MPHOSPH8: variants seen among roughly 807,000 people sequenced by gnomAD.
MPHOSPH8 encodes M-phase phosphoprotein, mpp.
Under a neutral mutation model 87.3 loss-of-function variants are expected in MPHOSPH8, and 45 were observed. That is an observed-to-expected ratio of 0.52 (90% CI 0.41 to 0.66). The LOEUF is 0.66. Ranked by LOEUF, MPHOSPH8 falls within the 30% of genes least tolerant of loss-of-function variation. MPHOSPH8 has a pLI of 0.00. For synonymous variants in MPHOSPH8, 366 were observed against 376.9 expected, an observed-to-expected ratio of 0.97 and a Z score of 0.33; for missense variants, 883 against 1,020.2, an observed-to-expected ratio of 0.87 and a Z score of 1.83.
chr13:19,641,302 A>G (rs2137501247), intron 1 of MPHOSPH8, among the ~76,000 whole-genome samples: 1 of 145,702 alleles, frequency 6.9e-6, no homozygotes, highest in East Asian at 2.0e-4. Flanking sequence ...CCACAGTTAC[A>G]TGCCACTGTG....
At chr13:19,665,022 C>A (rs1238568586) in intron 9 of MPHOSPH8, among the ~76,000 whole-genome samples, 2 of 152,088 alleles carry the variant, frequency 1.3e-5, no homozygotes, top group Admixed American at 6.6e-5. Context: ...AGGCAGAAGG[C>A]AGGCGGGAGT....
At chr13:19,644,929 A>G (rs193150818) in intron 2 of MPHOSPH8, among the ~76,000 whole-genome samples, 3 of 151,986 alleles carry the variant, frequency 2.0e-5, no homozygotes, top group Non-Finnish European at 2.9e-5. Flanking sequence ...TCTTTTTGGT[A>G]TGCTTTTATT....
At chr13:19,634,061 G>A (rs908337860) in intron 1 of MPHOSPH8, 100 bp downstream of exon 1, 4 of 1,245,560 alleles carry the variant, frequency 3.2e-6, no homozygotes, top group South Asian at 1.3e-5. Context: ...AAACAGGAGC[G>A]GGGGAGGAAT....
At chr13:19,670,411 A>G in intron 12 of MPHOSPH8, 48 bp downstream of exon 12, 1 of 1,574,528 alleles carries the variant, frequency 6.4e-7, no homozygotes. Context: ...CTTCTAATCA[A>G]AAGCACAGAT....
chr13:19,670,389 G>A, intron 12 of MPHOSPH8, 26 bp downstream of exon 12: 1 of 1,606,838 alleles, frequency 6.2e-7, no homozygotes, highest in Non-Finnish European at 8.5e-7. Flanking sequence ...TTTCACTACT[G>A]AAAAGTACAT....
chr13:19,642,296 T>G (rs757130159), intron 2 of MPHOSPH8, 26 bp downstream of exon 2: 1 of 1,528,334 alleles, frequency 6.5e-7, no homozygotes, highest in African/African-American at 1.4e-5. Context: ...TCATATTTGT[T>G]TTTACATACA....
intron 7 of MPHOSPH8, 55 bp from the exon 8 acceptor site, chr13:19,661,643 C>G: frequency 6.6e-7 from 1 of 1,510,226 alleles, no homozygotes; most frequent in Non-Finnish European, 8.9e-7. Flanking sequence ...AGACTTGGTT[C>G]TGAAATTGTT....
At chr13:19,634,609 G>A (rs996558028) in intron 1 of MPHOSPH8, among the ~76,000 whole-genome samples, 3 of 152,118 alleles carry the variant, frequency 2.0e-5, no homozygotes, top group Non-Finnish European at 2.9e-5. Context: ...TGCTTCCAAG[G>A]CCTCGGGGTG....
chr13:19,645,070 G>A (rs1370355211), intron 2 of MPHOSPH8, among the ~76,000 whole-genome samples: 2 of 152,086 alleles, frequency 1.3e-5, no homozygotes, highest in African/African-American at 4.8e-5. Context: ...CTTGGTCCTG[G>A]AAGTCCTGAG....
intron 12 of MPHOSPH8, chr13:19,670,885 T>C (rs1220448390): frequency 9.5e-7 from 1 of 1,048,474 alleles, no homozygotes; most frequent in African/African-American, 1.6e-5. Flanking sequence ...GTGGCGCGGA[T>C]TACAGCTCAC....
In MPHOSPH8 at chr13:19,666,456, G is replaced by T; in HGVS notation, c.2051G>T (p.Arg684Leu). The change falls in exon 10 of 14, where the codon CGA becomes CTA. Residue 684 changes from arginine (R) to leucine (L), a missense_variant. Arg to Leu is a moderately radical substitution (Grantham distance 102, BLOSUM62 -2). This residue lies in a region of MPHOSPH8 where 741 missense variants were observed against 841.5 expected (regional missense o/e 0.88). Coordinates refer to ENST00000361479, the MANE Select transcript of MPHOSPH8 (RefSeq NM_017520.4). The stretch of plus-strand genomic sequence containing the variant: ...AAAAGAGGAAATTCAGACATCGTAC[G>T]ACTCGTAATTGAATGTGGAGCTGAC... ...ACKRGNSDIV[R>L]LVIECGADCN... 1 of 1,610,312 alleles carries T rather than the reference G, an allele frequency of 6.2e-7. No individual in the cohort carries two copies. Among genetic ancestry groups the T allele is most frequent in the Non-Finnish European group, 8.5e-7 (1 of 1,176,920 alleles).
intron 1 of MPHOSPH8, 75 bp from the exon 2 acceptor site, chr13:19,642,040 G>GGTT: frequency 3.6e-6 from 2 of 555,298 alleles, no homozygotes; most frequent in South Asian, 7.3e-5. Flanking sequence ...CTTCTCATCA[G>GGTT]TTTTTTTTTT....
At chr13:19,634,027 C>A in intron 1 of MPHOSPH8, 66 bp downstream of exon 1, 1 of 1,509,994 alleles carries the variant, frequency 6.6e-7, no homozygotes, top group Non-Finnish European at 9.1e-7. Flanking sequence ...AGGACGCGAG[C>A]TGGAAACAGC....
intron 2 of MPHOSPH8, among the ~76,000 whole-genome samples, chr13:19,645,289 T>C (rs1339474590): frequency 6.6e-6 from 1 of 152,186 alleles, no homozygotes; most frequent in East Asian, 1.9e-4. Context: ...TGGTAAGGCC[T>C]GTGTGGTAGG....
Position 19,650,151 on chromosome 13 carries a change from A to G in MPHOSPH8, c.1467A>G (p.Ser489=), listed in dbSNP as rs751322867. The change falls in exon 5 of 14, where the codon TCA becomes TCG. Residue 489 remains serine, a synonymous_variant. Coordinates refer to ENST00000361479, the MANE Select transcript of MPHOSPH8 (RefSeq NM_017520.4). ...DDHKTKENKQ[S]LKERRNTRDE... ...ACAAAACCAAGGAAAACAAACAGTC[A>G]CTTAAAGAAAGGAGAAACACCAGAG... 6.2e-7 allele frequency: 1 copy of G among 1,614,202 alleles called. No individual in the cohort carries two copies. Among genetic ancestry groups the G allele is most frequent in the South Asian group, 1.1e-5 (1 of 91,084 alleles).
intron 1 of MPHOSPH8, among the ~76,000 whole-genome samples, chr13:19,634,925 G>T (rs572291964): frequency 6.6e-6 from 1 of 152,208 alleles, no homozygotes; most frequent in African/African-American, 2.4e-5. Context: ...AATTTTTTGC[G>T]CATTCATTCA....
At chr13:19,659,608 A>G in intron 7 of MPHOSPH8, 1 of 399,730 alleles carries the variant, frequency 2.5e-6, no homozygotes, top group South Asian at 2.1e-5. Context: ...AGGCTGTGGT[A>G]AGTGGAGATC....
At chr13:19,665,047 C>G (rs548546675) in intron 9 of MPHOSPH8, among the ~76,000 whole-genome samples, 81 of 152,140 alleles carry the variant, frequency 5.3e-4, no homozygotes, top group Non-Finnish European at 3.4e-4. Context: ...CAGGTCAGCA[C>G]CTCAGGGCTG....
intron 1 of MPHOSPH8, among the ~76,000 whole-genome samples, chr13:19,636,207 C>A (rs904538342): frequency 2.0e-5 from 3 of 152,334 alleles, no homozygotes; most frequent in Non-Finnish European, 4.4e-5. Flanking sequence ...AGTGAACCAG[C>A]CGGTTGGTTA....
Sources: allele counts gnomAD v4.1 joint callset (sites outside exome capture counted in the v4.1 genomes callset), GRCh38; gene constraint gnomAD v4.1.1; regional missense constraint gnomAD v4.1.1; transcripts MANE v1.5; gene names NCBI Gene and HGNC (gene_info 2026-07-23, HGNC 2026-07-21).